GABRB1: variants seen among roughly 807,000 people sequenced by gnomAD.
The protein encoded by GABRB1 is gamma-aminobutyric acid type A receptor subunit beta1, also known as gamma-aminobutyric acid receptor subunit beta-1.
A neutral mutation model predicts 51.6 loss-of-function variants in GABRB1; 17 were observed. The ratio of observed to expected loss-of-function variants is 0.33; its 90% confidence interval spans 0.23 to 0.49. GABRB1 has a LOEUF of 0.49. Ranked by LOEUF, GABRB1 falls within the 20% of genes least tolerant of loss-of-function variation. The pLI, the probability that GABRB1 is intolerant of heterozygous loss-of-function variation, is 0.99. For synonymous variants in GABRB1, 247 were observed against 218.9 expected (o/e 1.13, Z -1.14); for missense variants, 410 against 600.6 (o/e 0.68, Z 3.32).
chr4:47,391,890 G>C (rs1560365447), intron 5 of GABRB1, among the ~76,000 whole-genome samples: 2 of 152,134 alleles, frequency 1.3e-5, no homozygotes, highest in African/African-American at 2.4e-5. Context: ...TCTTCAAAGA[G>C]CTTATAATAT....
chr4:47,078,678 C>T (rs1020715778), intron 3 of GABRB1, among the ~76,000 whole-genome samples: 2 of 152,282 alleles, frequency 1.3e-5, no homozygotes, highest in Non-Finnish European at 2.9e-5. Context: ...CCTGAGGATA[C>T]CTTTTTCAGC....
intron 4 of GABRB1, among the ~76,000 whole-genome samples, chr4:47,169,856 T>C (rs1422864170): frequency 6.6e-6 from 1 of 152,146 alleles, no homozygotes; most frequent in Non-Finnish European, 1.5e-5. Context: ...CTCTCAGCCC[T>C]GGCATAAGGC....
At chr4:47,274,837 A>C (rs569437245) in intron 4 of GABRB1, among the ~76,000 whole-genome samples, 1 of 152,254 alleles carries the variant, frequency 6.6e-6, no homozygotes, top group African/African-American at 2.4e-5. Context: ...CTGCTGGCCA[A>C]CTGTACTTGC....
At chr4:47,019,628 T>TC (rs1491185480) in intron 1 of GABRB1, among the ~76,000 whole-genome samples, 883 of 85,564 alleles carry the variant, frequency 0.01, 7 homozygotes, top group East Asian at 0.031. Flanking sequence ...TTTCTCTCTC[T>TC]TTCTTTCTTT....
intron 3 of GABRB1, among the ~76,000 whole-genome samples, chr4:47,061,076 C>T (rs1239136770): frequency 6.6e-6 from 1 of 152,110 alleles, no homozygotes; most frequent in African/African-American, 2.4e-5. Context: ...AAATATTTTG[C>T]TAGGAAAATA....
chr4:46,998,539 C>T (rs953839196), intron 1 of GABRB1, among the ~76,000 whole-genome samples: 1 of 151,936 alleles, frequency 6.6e-6, no homozygotes, highest in Non-Finnish European at 1.5e-5. Flanking sequence ...GGAGACCACC[C>T]TGGCTAACAT....
intron 5 of GABRB1, among the ~76,000 whole-genome samples, chr4:47,350,465 G>A (rs570126002): frequency 6.6e-5 from 10 of 151,530 alleles, no homozygotes; most frequent in South Asian, 4.2e-4. Flanking sequence ...CCACTTATGC[G>A]GGTCATTACA....
At chr4:47,294,168 G>A (rs1723868047) in intron 4 of GABRB1, among the ~76,000 whole-genome samples, 1 of 152,190 alleles carries the variant, frequency 6.6e-6, no homozygotes, top group Non-Finnish European at 1.5e-5. Context: ...ACAGCTCCCA[G>A]CATGAGCAAC....
At chr4:47,217,548 T>C (rs1025529633) in intron 4 of GABRB1, among the ~76,000 whole-genome samples, 4 of 151,772 alleles carry the variant, frequency 2.6e-5, no homozygotes, top group Admixed American at 2.0e-4. Context: ...GAGCAACTCA[T>C]GAACACCACA....
chr4:47,414,387 G>T (rs754646388), intron 8 of GABRB1, among the ~76,000 whole-genome samples: 1 of 152,198 alleles, frequency 6.6e-6, no homozygotes, highest in Admixed American at 6.5e-5. Flanking sequence ...GGGACAACTT[G>T]AAGCAGGGAA....
At chr4:47,282,433 G>A (rs1723326131) in intron 4 of GABRB1, among the ~76,000 whole-genome samples, 1 of 151,954 alleles carries the variant, frequency 6.6e-6, no homozygotes, top group African/African-American at 2.4e-5. Context: ...ATGTTTTCCT[G>A]TTTTTCATTT....
At chr4:47,152,657 C>T (rs1178827371) in intron 3 of GABRB1, among the ~76,000 whole-genome samples, 1 of 151,908 alleles carries the variant, frequency 6.6e-6, no homozygotes, top group Non-Finnish European at 1.5e-5. Flanking sequence ...CCTCTATGTG[C>T]ATGCGCCACT....
chr4:47,404,918 T>C (rs1395507529), intron 7 of GABRB1, among the ~76,000 whole-genome samples: 1 of 152,192 alleles, frequency 6.6e-6, no homozygotes, highest in Non-Finnish European at 1.5e-5. Flanking sequence ...ACTATTTTAA[T>C]TGGAGATATT....
chr4:47,186,539 T>C (rs1719190579), intron 4 of GABRB1, among the ~76,000 whole-genome samples: 1 of 151,840 alleles, frequency 6.6e-6, no homozygotes, highest in Non-Finnish European at 1.5e-5. Context: ...TACATGAAAA[T>C]GGCCCATGCA....
At chr4:47,217,285 G>A (rs921675268) in intron 4 of GABRB1, among the ~76,000 whole-genome samples, 3 of 151,730 alleles carry the variant, frequency 2.0e-5, no homozygotes, top group Admixed American at 6.6e-5. Context: ...ATGACTACAT[G>A]CTTGTTATAT....
intron 5 of GABRB1, among the ~76,000 whole-genome samples, chr4:47,331,773 G>A (rs193008442): frequency 5.9e-5 from 9 of 152,166 alleles, no homozygotes; most frequent in Non-Finnish European, 1.3e-4. Context: ...TTATTAATGG[G>A]CCAGGCACTT....
chr4:47,222,842 T>G (rs1380774762), intron 4 of GABRB1, among the ~76,000 whole-genome samples: 1 of 152,120 alleles, frequency 6.6e-6, no homozygotes, highest in Non-Finnish European at 1.5e-5. Flanking sequence ...TTAAAAAAAA[T>G]CTGTACTTCA....
chr4:47,046,244 A>C (rs750721479), intron 3 of GABRB1, among the ~76,000 whole-genome samples: 15 of 152,098 alleles, frequency 9.9e-5, no homozygotes, highest in Non-Finnish European at 1.3e-4. Context: ...TCTTCATAGC[A>C]GGGTGAGGAC....
chr4:47,253,463 TA>T (rs1194872826), intron 4 of GABRB1, among the ~76,000 whole-genome samples: 1 of 152,224 alleles, frequency 6.6e-6, no homozygotes, highest in Non-Finnish European at 1.5e-5. Context: ...CTATGGTAAT[TA>T]AACTTTCCAT....
Sources: gnomAD v4.1 joint callset for allele counts (sites outside exome capture counted in the v4.1 genomes callset) on GRCh38, gnomAD v4.1.1 for gene constraint, MANE v1.5 for transcripts, NCBI Gene and HGNC (gene_info 2026-07-23, HGNC 2026-07-21) for gene names.